The following GCNT2 variants were observed in gnomAD, a reference collection of about 807,000 sequenced individuals.
GCNT2 encodes N-acetyllactosaminide beta-1,6-N-acetylglucosaminyl-transferase.
GCNT2 carries 34 observed loss-of-function variants against 34.2 expected under a neutral mutation model. That is an observed-to-expected ratio of 1.00 (90% CI 0.76 to 1.32). GCNT2 has a LOEUF of 1.32. GCNT2 is among the 40% of genes most tolerant of loss of function. The pLI, the probability that GCNT2 is intolerant of heterozygous loss-of-function variation, is 0.00. For synonymous variants in GCNT2, 212 were observed against 188.0 expected (o/e 1.13, Z -1.04); for missense variants, 584 against 489.4 (o/e 1.19, Z -1.82).
intron 3 of GCNT2, 24 bp from the exon 4 acceptor site, chr6:10,621,327 G>C: frequency 1.4e-6 from 2 of 1,474,248 alleles, no homozygotes; most frequent in Non-Finnish European, 1.9e-6. Flanking sequence ...TCATCTCTAC[G>C]CTTCTTCTTT....
chr6:10,550,394 G>A (rs1762432591), intron 3 of GCNT2, among the ~76,000 whole-genome samples: 1 of 151,368 alleles, frequency 6.6e-6, no homozygotes, highest in African/African-American at 2.4e-5. Context: ...TAGGGTCATT[G>A]AGAAAAAAAA....
intron 3 of GCNT2, chr6:10,585,780 G>A (rs1764315604): frequency 7.0e-7 from 1 of 1,430,664 alleles, no homozygotes; most frequent in Non-Finnish European, 9.1e-7. Context: ...GTGAGAGAGG[G>A]ACGCACCGCA....
intron 3 of GCNT2, among the ~76,000 whole-genome samples, chr6:10,569,824 TCTTCCTTC>T (rs70991027): frequency 1.3e-5 from 2 of 149,060 alleles, no homozygotes; most frequent in East Asian, 2.0e-4. Context: ...CATATGGATT[TCTTCCTTC>T]CTTCCTTCCT....
chr6:10,533,972 C>T (rs998815898), intron 3 of GCNT2, among the ~76,000 whole-genome samples: 4 of 151,716 alleles, frequency 2.6e-5, no homozygotes, highest in South Asian at 2.1e-4. Flanking sequence ...AGACGTTGGC[C>T]GTCCTCATGT....
intron 3 of GCNT2, among the ~76,000 whole-genome samples, chr6:10,614,668 G>T (rs1285879966): frequency 6.7e-6 from 1 of 149,078 alleles, no homozygotes; most frequent in African/African-American, 2.5e-5. Flanking sequence ...AAAGGTAGAA[G>T]AAATGCTTTT....
intron 3 of GCNT2, among the ~76,000 whole-genome samples, chr6:10,539,701 G>A (rs997491576): frequency 5.9e-5 from 9 of 152,184 alleles, no homozygotes; most frequent in Admixed American, 2.6e-4. Context: ...TTAATGTTAC[G>A]ATTCTAAAAA....
rs1761313879 is a variant in GCNT2 at position 10,528,611 on chromosome 6, G to C, written c.-281-20G>C. On this transcript the variant is annotated intron_variant, in intron 2 of 4. Coordinates refer to ENST00000495262, the MANE Select transcript of GCNT2 (RefSeq NM_145649.5). ...CCCCCTGGAATCAGAACCTCTCTGAGGACATCTGTTTTTGTGTAGACACAG... is the reference window on the plus strand; with the variant it reads ...CCCCCTGGAATCAGAACCTCTCTGACGACATCTGTTTTTGTGTAGACACAG... 1 of 452,378 alleles carries C rather than the reference G, an allele frequency of 2.2e-6. No individual in the cohort carries two copies. 28.0% of individuals were successfully genotyped at this position (452,378 alleles called of 1,614,324 possible).
chr6:10,621,350 G>A lies in GCNT2; in HGVS notation c.926-1G>A. On this transcript the variant is annotated splice_acceptor_variant, in intron 3 of 4. Transcript: ENST00000495262. LOFTEE classifies it high-confidence loss of function. ...ACGCTTCTTCTTTATCAACATTGCA[G>A]GTGTTCCTGGCTCTATGCCAAATGC... 1 of 1,596,328 alleles carries A rather than the reference G, an allele frequency of 6.3e-7. No individual in the cohort carries two copies. The highest frequency in any genetic ancestry group is 8.6e-7 in the Non-Finnish European group (1 of 1,164,218).
intron 3 of GCNT2, among the ~76,000 whole-genome samples, chr6:10,617,173 C>T (rs1249258377): frequency 1.3e-5 from 2 of 152,190 alleles, no homozygotes; most frequent in Non-Finnish European, 2.9e-5. Flanking sequence ...GAGGCTCAGA[C>T]ATGGCCGGCT....
Position 10,627,627 on chromosome 6 carries a change from C to T in GCNT2, c.*1020C>T, listed in dbSNP as rs962778843. 1 of 150,320 alleles carries T rather than the reference C, an allele frequency of 6.7e-6. No individual in the cohort carries two copies. The highest frequency in any genetic ancestry group is 1.5e-5 in the Non-Finnish European group (1 of 67,984). 9.3% of individuals were successfully genotyped at this position (150,320 alleles called of 1,614,324 possible). On this transcript the variant is annotated 3_prime_UTR_variant, in exon 5 of 5. Transcript: ENST00000495262. The stretch of plus-strand genomic sequence containing the variant: ...TTCATCCATCCGTTCATTCATTCAG[C>T]CTTCAATCAACATCTCTTGAGTGTC...
At chr6:10,585,725 C>T (rs1190319300) in intron 3 of GCNT2, 1 of 1,356,062 alleles carries the variant, frequency 7.4e-7, no homozygotes, top group East Asian at 2.9e-5. Context: ...TTAGCTGAGC[C>T]TTTGCAAACA....
At chr6:10,617,013 C>T (rs1476080943) in intron 3 of GCNT2, among the ~76,000 whole-genome samples, 2 of 152,246 alleles carry the variant, frequency 1.3e-5, no homozygotes, top group Admixed American at 1.3e-4. Flanking sequence ...GATCCCGCAC[C>T]AGGGCCGCAG....
chr6:10,581,765 A>G, intron 3 of GCNT2: 1 of 985,256 alleles, frequency 1.0e-6, no homozygotes, highest in Non-Finnish European at 1.2e-6. Context: ...CTGCAATAGA[A>G]GACCTTTGCC....
At chr6:10,551,378 A>G (rs566535484) in intron 3 of GCNT2, among the ~76,000 whole-genome samples, 309 of 150,348 alleles carry the variant, frequency 2.1e-3, no homozygotes, top group Non-Finnish European at 3.2e-3. Flanking sequence ...TGCATGTTAA[A>G]CTTCTTTCCC....
intron 3 of GCNT2, among the ~76,000 whole-genome samples, chr6:10,562,024 CA>C (rs1763007980): frequency 6.6e-6 from 1 of 152,152 alleles, no homozygotes. Context: ...AAACTCAACT[CA>C]AAGGAGCTTA....
intron 3 of GCNT2, chr6:10,556,688 G>A (rs1581400695): frequency 6.2e-7 from 1 of 1,614,130 alleles, no homozygotes; most frequent in South Asian, 1.1e-5. Context: ...TTTATCTAAG[G>A]AAGAAGCTGA....
intron 3 of GCNT2, chr6:10,530,206 A>C (rs941239260): frequency 3.1e-5 from 6 of 194,856 alleles, no homozygotes; most frequent in African/African-American, 1.4e-4. Context: ...TACTAAAAAT[A>C]CTAAAAAAAT....
At chr6:10,622,273 C>A (rs1051860411) in intron 4 of GCNT2, among the ~76,000 whole-genome samples, 6 of 152,180 alleles carry the variant, frequency 3.9e-5, no homozygotes, top group Non-Finnish European at 8.8e-5. Context: ...TTTGCTAGGG[C>A]TGCCATAACA....
At chr6:10,625,806 C>T (rs1766232776) in intron 4 of GCNT2, among the ~76,000 whole-genome samples, 1 of 152,072 alleles carries the variant, frequency 6.6e-6, no homozygotes, top group Admixed American at 6.5e-5. Flanking sequence ...CTTTGTTTTT[C>T]CCTGTACATG....
Sources: gnomAD v4.1 joint callset for allele counts (sites outside exome capture counted in the v4.1 genomes callset) on GRCh38, gnomAD v4.1.1 for gene constraint, MANE v1.5 for transcripts, NCBI Gene and HGNC (gene_info 2026-07-23, HGNC 2026-07-21) for gene names.